The following MID1 variants were observed in gnomAD, a reference collection of about 807,000 sequenced individuals.
The protein encoded by MID1 is midline 1.
Under a neutral mutation model 40.4 loss-of-function variants are expected in MID1, and 7 were observed. The ratio of observed to expected loss-of-function variants is 0.17; its 90% CI spans 0.10 to 0.33. The LOEUF (loss-of-function observed/expected upper bound fraction) is 0.33, where lower values mean the gene tolerates loss of function less well. Ranked by LOEUF, MID1 falls within the 10% of genes least tolerant of loss-of-function variation. MID1 has a pLI of 1.00. For missense variants in MID1, 367 were observed against 558.5 expected (o/e 0.66, Z 3.46); for synonymous variants, 229 against 221.2 (o/e 1.04, Z -0.31).
chrX:10,498,655 TTC>T (rs1482839107), intron 3 of MID1, among the ~76,000 whole-genome samples: 1 of 112,010 alleles, frequency 8.9e-6, no homozygotes, highest in Non-Finnish European at 1.9e-5. Context: ...CTAGTCTACT[TTC>T]TGTCTCTTTA....
intron 4 of MID1, among the ~76,000 whole-genome samples, chrX:10,495,240 C>G (rs1415469833): frequency 9.0e-6 from 1 of 111,452 alleles, no homozygotes; most frequent in Non-Finnish European, 1.9e-5. Context: ...TAGGATATCA[C>G]AATGAATACA....
chrX:10,829,090 A>G (rs2044234888), intron 1 of MID1, among the ~76,000 whole-genome samples: 1 of 112,232 alleles, frequency 8.9e-6, no homozygotes, highest in African/African-American at 3.2e-5. Flanking sequence ...TAAACTTGTT[A>G]TCTGTTCTCT....
Position 10,553,210 on chromosome X carries a change from T to C in MID1, c.660+13678A>G, listed in dbSNP as rs763336039. Reference sequence around the variant, plus strand: ...TTGCAGTGAGCCGAGATCACGCCACTGGACTCCAGCCTGGGCTATGCAGCG... The same window carrying C: ...TTGCAGTGAGCCGAGATCACGCCACCGGACTCCAGCCTGGGCTATGCAGCG... On this transcript the variant is annotated intron_variant, in intron 2 of 9. Coordinates refer to ENST00000317552, the MANE Select transcript of MID1 (RefSeq NM_000381.4). Among the ~76,000 whole-genome samples the C allele has an allele frequency of 1.8e-4, 19 of 107,413 alleles. 1 individual carries two copies. Among genetic ancestry groups the C allele is most frequent in the African/African-American group, 6.5e-4 (19 of 29,289 alleles). The allele number at this position is 107,413 out of a possible 115,157, so 93.3% of individuals were successfully genotyped here. A position where few individuals can be genotyped will look rare whatever the true frequency, so the allele number is the denominator to read the frequency against.
chrX:10,547,773 A>G (rs148519871), intron 2 of MID1, among the ~76,000 whole-genome samples: 2,926 of 111,547 alleles, frequency 0.026, 96 homozygotes, highest in African/African-American at 0.089. Flanking sequence ...TAAGCCATGA[A>G]AAGCAGTCAT....
chrX:10,808,114 T>A (rs1157030129), intron 1 of MID1, among the ~76,000 whole-genome samples: 1 of 112,426 alleles, frequency 8.9e-6, no homozygotes. Flanking sequence ...GTGTCAGATG[T>A]TGGAAATACA....
At chrX:10,557,948 A>G (rs775331003) in intron 2 of MID1, among the ~76,000 whole-genome samples, 3 of 111,252 alleles carry the variant, frequency 2.7e-5, no homozygotes, top group Non-Finnish European at 5.7e-5. Context: ...CACAAAATCT[A>G]AAGTAATGTG....
At chrX:10,487,035 T>G (rs185452945) in intron 4 of MID1, among the ~76,000 whole-genome samples, 22 of 111,547 alleles carry the variant, frequency 2.0e-4, no homozygotes, top group East Asian at 5.6e-4. Flanking sequence ...TTTATTTTTA[T>G]TTTTTGTAGT....
At chrX:10,824,772 CT>C (rs1239724599) in intron 1 of MID1, among the ~76,000 whole-genome samples, 9 of 108,210 alleles carry the variant, frequency 8.3e-5, no homozygotes, top group African/African-American at 2.0e-4. Context: ...ATGGCTAGGA[CT>C]TTTTTTTTTC....
chrX:10,780,910 C>T (rs1232765746), intron 1 of MID1, among the ~76,000 whole-genome samples: 1 of 111,467 alleles, frequency 9.0e-6, no homozygotes, highest in African/African-American at 3.3e-5. Context: ...CAATAGGGTT[C>T]ACACTTCTAT....
chrX:10,822,033 C>G (rs1432034953), intron 1 of MID1, among the ~76,000 whole-genome samples: 1 of 110,341 alleles, frequency 9.1e-6, no homozygotes, highest in Non-Finnish European at 1.9e-5. Context: ...TCTTTTCTCC[C>G]CTGACCTCTC....
At chrX:10,573,071 G>A (rs757625863) in intron 1 of MID1, among the ~76,000 whole-genome samples, 3 of 112,581 alleles carry the variant, frequency 2.7e-5, no homozygotes, top group African/African-American at 3.2e-5. Flanking sequence ...GCCCCACATC[G>A]TGGGAGGCAT....
chrX:10,642,107 A>G (rs1014189413), intron 1 of MID1, among the ~76,000 whole-genome samples: 1 of 112,027 alleles, frequency 8.9e-6, no homozygotes, highest in African/African-American at 3.3e-5. Context: ...AAACTGGCAC[A>G]AGACAGGGAT....
intron 1 of MID1, among the ~76,000 whole-genome samples, chrX:10,728,648 G>C (rs1250791846): frequency 8.9e-6 from 1 of 112,190 alleles, no homozygotes; most frequent in Non-Finnish European, 1.9e-5. Flanking sequence ...CCGTTGGAAA[G>C]GCTATTTGGA....
At chrX:10,794,725 T>C (rs1294510191) in intron 1 of MID1, among the ~76,000 whole-genome samples, 1 of 112,442 alleles carries the variant, frequency 8.9e-6, no homozygotes, top group Non-Finnish European at 1.9e-5. Context: ...AGTGTTAACT[T>C]CAGTTTGTGG....
intron 8 of MID1, among the ~76,000 whole-genome samples, chrX:10,455,805 C>A (rs933541692): frequency 8.9e-6 from 1 of 112,019 alleles, no homozygotes; most frequent in African/African-American, 3.2e-5. Context: ...GTTTTCTACT[C>A]ATGAAATTAT....
At chrX:10,604,352 G>A (rs138739602) in intron 1 of MID1, among the ~76,000 whole-genome samples, 3,382 of 111,464 alleles carry the variant, frequency 0.03, 38 homozygotes, top group African/African-American at 0.037. Context: ...TAAAAACACA[G>A]GCAGTATGTA....
chrX:10,619,679 T>C lies in MID1; in HGVS notation c.-57+611A>G, dbSNP rs773435220. On this transcript the variant is annotated intron_variant, in intron 1 of 9. Transcript: ENST00000317552. ...TCTTTTCAAAGACTCATTTAAGTAA[T>C]CCCCCAGCCCTTTCTCCGCTCACTA... 2.7e-5 allele frequency among the ~76,000 whole-genome samples: 3 copies of C among 112,473 alleles called. No individual in the cohort carries two copies. In the East Asian group the frequency reaches 8.4e-4, roughly 31 times the overall value.
At chrX:10,491,296 T>C (rs1930936619) in intron 4 of MID1, among the ~76,000 whole-genome samples, 2 of 112,489 alleles carry the variant, frequency 1.8e-5, no homozygotes, top group African/African-American at 3.2e-5. Context: ...TTCTTGTTTG[T>C]TTCCTGTTTT....
intron 1 of MID1, among the ~76,000 whole-genome samples, chrX:10,653,468 C>T (rs1043352949): frequency 8.9e-6 from 1 of 112,201 alleles, no homozygotes; most frequent in Non-Finnish European, 1.9e-5. Context: ...ACAATATTGT[C>T]CACACTGGGT....
Sources: gnomAD v4.1 joint callset for allele counts (sites outside exome capture counted in the v4.1 genomes callset) on GRCh38, gnomAD v4.1.1 for gene constraint, MANE v1.5 for transcripts, NCBI Gene and HGNC (gene_info 2026-07-23, HGNC 2026-07-21) for gene names.